The following LRP1B variants were observed in gnomAD, a reference collection of about 807,000 sequenced individuals.
LRP1B encodes the protein low-density lipoprotein receptor-related protein 1B.
Under a neutral mutation model 556.6 loss-of-function variants are expected in LRP1B, and 217 were observed. The observed-to-expected ratio is 0.39, with a 90% CI of 0.35 to 0.44. LRP1B has a LOEUF of 0.44. Among genes scored for constraint, LRP1B ranks in the 20% least tolerant of loss-of-function variants. The pLI, the probability that LRP1B is intolerant of heterozygous loss-of-function variation, is 1.00. For synonymous variants in LRP1B, 2,047 were observed against 1,865.8 expected, an observed-to-expected ratio of 1.10 and a Z score of -2.50; for missense variants, 5,053 against 5,620.8, an observed-to-expected ratio of 0.90 and a Z score of 3.23.
At chr2:141,091,483 C>T (rs932843803) in intron 7 of LRP1B, among the ~76,000 whole-genome samples, 1 of 152,214 alleles carries the variant, frequency 6.6e-6, no homozygotes, top group South Asian at 2.1e-4. Context: ...ATCCTCTCCA[C>T]GTGCACAGTG....
intron 66 of LRP1B, among the ~76,000 whole-genome samples, chr2:140,440,739 A>ATGTGTGTGTGTG (rs1279713239): frequency 1.2e-5 from 1 of 86,392 alleles, no homozygotes; most frequent in African/African-American, 4.6e-5. Flanking sequence ...GTCCCTCTGT[A>ATGTGTGTGTGTG]TGTATGTGTG....
At chr2:142,085,834 G>A (rs948110543) in intron 1 of LRP1B, among the ~76,000 whole-genome samples, 9 of 152,152 alleles carry the variant, frequency 5.9e-5, no homozygotes, top group African/African-American at 2.2e-4. Context: ...TATATGAAAG[G>A]TGAATTGTGA....
At chr2:141,185,328 C>T (rs898082844) in intron 7 of LRP1B, among the ~76,000 whole-genome samples, 16 of 151,890 alleles carry the variant, frequency 1.1e-4, no homozygotes, top group African/African-American at 3.6e-4. Flanking sequence ...GAAGCAGAGA[C>T]CTACTAACCA....
intron 3 of LRP1B, among the ~76,000 whole-genome samples, chr2:141,278,694 T>G (rs147886533): frequency 0.022 from 3,400 of 152,288 alleles, 69 homozygotes; most frequent in Non-Finnish European, 0.036. Context: ...CCTGCTTTGT[T>G]GAAGCTTAAA....
chr2:141,158,932 T>C, intron 7 of LRP1B, among the ~76,000 whole-genome samples: 1 of 152,194 alleles, frequency 6.6e-6, no homozygotes. Context: ...GGTTGCTGTT[T>C]ATTTTAAATT....
chr2:140,387,636 A>T (rs1683818593), intron 66 of LRP1B, among the ~76,000 whole-genome samples: 1 of 151,788 alleles, frequency 6.6e-6, no homozygotes, highest in Non-Finnish European at 1.5e-5. Context: ...GCCTGCTAAT[A>T]ATTATTCAGA....
At chr2:140,502,891 C>T (rs897624952) in intron 54 of LRP1B, 72 bp downstream of exon 54, 27 of 1,498,546 alleles carry the variant, frequency 1.8e-5, no homozygotes, top group Non-Finnish European at 2.5e-5. Flanking sequence ...GAATACTATA[C>T]TAGACAGAAA....
intron 18 of LRP1B, 111 bp from the exon 19 acceptor site, chr2:140,952,051 C>T (rs1025400132): frequency 2.7e-6 from 2 of 749,900 alleles, no homozygotes; most frequent in African/African-American, 3.5e-5. Context: ...TCTACAAAGG[C>T]ACAGAGGAAA....
chr2:141,799,181 A>G (rs916470240), intron 2 of LRP1B, among the ~76,000 whole-genome samples: 2 of 152,264 alleles, frequency 1.3e-5, no homozygotes, highest in South Asian at 4.1e-4. Flanking sequence ...ATGTCTCCCA[A>G]TGACCCTCAC....
chr2:141,354,192 A>G (rs1403971427), intron 3 of LRP1B, among the ~76,000 whole-genome samples: 1 of 152,002 alleles, frequency 6.6e-6, no homozygotes, highest in Non-Finnish European at 1.5e-5. Flanking sequence ...GAATGTGCAC[A>G]TGTACCCATA....
intron 60 of LRP1B, among the ~76,000 whole-genome samples, chr2:140,463,633 GT>G (rs1390314712): frequency 2.6e-5 from 4 of 152,230 alleles, no homozygotes; most frequent in East Asian, 3.9e-4. Flanking sequence ...ATTTCCAACT[GT>G]TATGATAGAA....
chr2:141,844,300 A>T (rs929153274), intron 1 of LRP1B, among the ~76,000 whole-genome samples: 1 of 152,030 alleles, frequency 6.6e-6, no homozygotes, highest in African/African-American at 2.4e-5. Context: ...TGCTAATCCC[A>T]TATGTTTTTA....
At chr2:140,975,544 G>T (rs777273673) in intron 18 of LRP1B, among the ~76,000 whole-genome samples, 19 of 152,018 alleles carry the variant, frequency 1.2e-4, no homozygotes, top group African/African-American at 1.7e-4. Flanking sequence ...CCAGCAATGA[G>T]GGAGGAGAAA....
intron 7 of LRP1B, among the ~76,000 whole-genome samples, chr2:141,111,861 T>A (rs1700760436): frequency 6.6e-6 from 1 of 151,816 alleles, no homozygotes; most frequent in Non-Finnish European, 1.5e-5. Context: ...CTGGCTAACA[T>A]GGTGAAACCC....
intron 35 of LRP1B, among the ~76,000 whole-genome samples, chr2:140,734,821 C>A (rs1259638065): frequency 6.6e-6 from 1 of 152,144 alleles, no homozygotes; most frequent in East Asian, 1.9e-4. Context: ...TGATAGGTGA[C>A]AGTGACTCTC....
chr2:142,066,101 G>T (rs1285620290), intron 1 of LRP1B, among the ~76,000 whole-genome samples: 4 of 151,540 alleles, frequency 2.6e-5, no homozygotes, highest in Non-Finnish European at 5.9e-5. Flanking sequence ...TCTCTTCAAA[G>T]AAACTTTTTG....
chr2:141,067,045 T>C (rs1699499281), intron 7 of LRP1B, among the ~76,000 whole-genome samples: 1 of 152,034 alleles, frequency 6.6e-6, no homozygotes, highest in Non-Finnish European at 1.5e-5. Context: ...TTAGGAACTT[T>C]ATTTTTTTCT....
chr2:140,780,832 G>GA (rs1689672076), intron 32 of LRP1B, among the ~76,000 whole-genome samples: 2 of 152,054 alleles, frequency 1.3e-5, no homozygotes, highest in Admixed American at 6.6e-5. Context: ...ACAAAACTTA[G>GA]AAAAAAATCT....
chr2:140,792,699 G>T (rs1041624797), intron 32 of LRP1B, among the ~76,000 whole-genome samples: 1 of 152,130 alleles, frequency 6.6e-6, no homozygotes, highest in Non-Finnish European at 1.5e-5. Context: ...AAAAGAACCA[G>T]ATGTTTCTCT....
Sources: allele counts gnomAD v4.1 joint callset (sites outside exome capture counted in the v4.1 genomes callset), GRCh38; gene constraint gnomAD v4.1.1; transcripts MANE v1.5; gene names NCBI Gene and HGNC (gene_info 2026-07-23, HGNC 2026-07-21).